The following TFE3 variants were observed in gnomAD, a reference collection of about 807,000 sequenced individuals.
TFE3 encodes transcription factor E3.
A neutral mutation model predicts 35.0 loss-of-function variants in TFE3; 5 were observed. The ratio of observed to expected loss-of-function variants is 0.14; its 90% CI spans 0.07 to 0.30. The LOEUF is 0.30. Among genes scored for constraint, TFE3 ranks in the 10% least tolerant of loss-of-function variants. The pLI, the probability that TFE3 is intolerant of heterozygous loss-of-function variation, is 1.00. For missense variants in TFE3, 374 were observed against 496.6 expected, an observed-to-expected ratio of 0.75 and a Z score of 2.35; for synonymous variants, 211 against 215.6, an observed-to-expected ratio of 0.98 and a Z score of 0.18.
In TFE3 at chrX:49,033,494, C is replaced by T; in HGVS notation, c.1107G>A (p.Leu369=). 1 of 1,211,789 alleles carries T rather than the reference C, an allele frequency of 8.3e-7. No homozygotes were observed. Among genetic ancestry groups the T allele is most frequent in the Non-Finnish European group, 1.1e-6 (1 of 895,530 alleles). ...RFNINDRIKE[L]GTLIPKSSDP... is the part of the protein sequence containing the mutation. ...CACTGGACTTAGGGATGAGAGTGCCCAGTTCCTTGATCCTGTCGTTAATGT... is the reference window on the plus strand; with the variant it reads ...CACTGGACTTAGGGATGAGAGTGCCTAGTTCCTTGATCCTGTCGTTAATGT... Residue 369 remains leucine (L), a synonymous_variant, in exon 8 of 10, where the codon CTG becomes CTA. Transcript: ENST00000315869.
intron 3 of TFE3, 89 bp downstream of exon 3, chrX:49,039,018 T>C (rs1440555752): frequency 2.1e-6 from 2 of 962,451 alleles, no homozygotes; most frequent in Non-Finnish European, 2.8e-6. Flanking sequence ...TGCCCCCAAA[T>C]CACCAGTGCA....
At chrX:49,043,049 G>GC in intron 1 of TFE3, 62 bp downstream of exon 1, 1 of 1,002,349 alleles carries the variant, frequency 1.0e-6, no homozygotes, top group Non-Finnish European at 1.3e-6. Context: ...GGCCCCCACT[G>GC]CCCCCGAGAT....
intron 5 of TFE3, 61 bp downstream of exon 5, chrX:49,037,949 T>G: frequency 2.0e-6 from 2 of 1,004,037 alleles, no homozygotes. Flanking sequence ...AGACTGAGTA[T>G]GGTCTTGGTG....
chrX:49,042,728 C>T (rs1321090678), intron 1 of TFE3, among the ~76,000 whole-genome samples: 6 of 111,412 alleles, frequency 5.4e-5, no homozygotes, highest in African/African-American at 1.6e-4. Flanking sequence ...CAGTGCCTCA[C>T]CTGACAGTGT....
Position 49,038,047 on chromosome X carries a change from A to G in TFE3, c.848T>C (p.Leu283Pro). 8.3e-7 allele frequency: 1 copy of G among 1,206,256 alleles called. No individual in the cohort carries two copies. The highest frequency in any genetic ancestry group is 1.1e-6 in the Non-Finnish European group (1 of 892,508). ...SSYNDEMLSY[L>P]PGGTTGLQLP... is the part of the protein sequence containing the mutation. ...CTGCAGTCCTGTGGTGCCTCCGGGC[A>G]GATAGCTGAGCATTTCATCATTGTA... Residue 283 changes from leucine (L) to proline (P), a missense_variant, in exon 5 of 10, where the codon CTG becomes CCG. By Grantham distance (98) the Leu-to-Pro change is moderately conservative. Coordinates refer to ENST00000315869, the MANE Select transcript of TFE3 (RefSeq NM_006521.6).
chrX:49,032,345 C>T (rs782493540), intron 8 of TFE3, among the ~76,000 whole-genome samples: 7 of 111,313 alleles, frequency 6.3e-5, no homozygotes, highest in African/African-American at 2.3e-4. Flanking sequence ...AGCGATTCTC[C>T]TGCCTCAGCC....
chrX:49,030,517 C>T lies in TFE3; in HGVS notation c.1369G>A (p.Asp457Asn). The T allele has an allele frequency of 3.3e-6, 4 of 1,211,652 alleles. No homozygotes were observed. The highest frequency in any genetic ancestry group is 4.5e-6 in the Non-Finnish European group (4 of 895,468). Residue 457 changes from aspartate to asparagine, a missense_variant, in exon 10 of 10, where the codon GAC (aspartate) becomes AAC (asparagine). Physicochemically the swap from Asp to Asn is conservative, Grantham distance 23. Around this residue, in one of 3 missense-constraint regions of TFE3, gnomAD observed 117 missense variants for 111.9 expected, o/e 1.05. Coordinates refer to ENST00000315869, the MANE Select transcript of TFE3 (RefSeq NM_006521.6). The part of the protein sequence containing the change: ...LLSLATTSAS[D>N]SLKPEQLDIE... ...TCCAGCTGCTCTGGCTTGAGGCTGT[C>T]AGAAGCCGAAGTCGTGGCCAAGGAA...
rs1458206450 is a variant in TFE3 at position 49,043,309 on chromosome X, C to A, written c.-83G>T. ...AACAAAATAAGAGTCCCCCCTCCCC[C>A]CAGCTCGCCACCGCCGCCTCCTCCG... is the stretch of plus-strand genomic sequence containing the variant. On this transcript the variant is annotated 5_prime_UTR_variant, in exon 1 of 10. Transcript: ENST00000315869. 5.1e-6 allele frequency: 4 copies of A among 780,837 alleles called. No homozygotes were observed. In the African/African-American group the frequency reaches 8.7e-5, roughly 17 times the overall value. The allele number at this position is 780,837 out of a possible 1,213,427, so 64.3% of individuals were successfully genotyped here. A position where few individuals can be genotyped will look rare whatever the true frequency, so the allele number is the denominator to read the frequency against.
intron 2 of TFE3, chrX:49,039,716 G>C (rs1037412679): frequency 3.0e-5 from 7 of 233,153 alleles, no homozygotes; most frequent in Admixed American, 7.0e-5. Flanking sequence ...CTCTGCAAGG[G>C]GGGGTTTGTC....
intron 5 of TFE3, among the ~76,000 whole-genome samples, chrX:49,035,322 AAAAT>A (rs781998192): frequency 7.2e-5 from 6 of 83,480 alleles, no homozygotes; most frequent in African/African-American, 1.4e-4. Context: ...ACTCTATCTC[AAAAT>A]AAATAAATAA....
rs782137465 is a variant in TFE3 at position 49,028,882 on chromosome X, G to A, written c.*1276C>T. On this transcript the variant is annotated 3_prime_UTR_variant, in exon 10 of 10. Transcript: ENST00000315869. ...ATGAGGGGTGGGAATGGAGGGGGGA[G>A]TGTCTCTTGATAACTCTGAAATGGG... The A allele has an allele frequency of 4.1e-5, 7 of 172,488 alleles. No homozygotes were observed. The highest frequency in any genetic ancestry group is 6.6e-5 in the Non-Finnish European group (6 of 90,417). 14.2% of individuals were successfully genotyped at this position (172,488 alleles called of 1,213,427 possible). A position where few individuals can be genotyped will look rare whatever the true frequency, so the allele number is the denominator to read the frequency against.
In TFE3 at chrX:49,030,464, T is replaced by C. The variant is rs782329572; in HGVS notation, c.1422A>G (p.Ala474=). Residue 474 remains alanine, a synonymous_variant, in exon 10 of 10, where the codon GCA becomes GCG. Coordinates refer to ENST00000315869, the MANE Select transcript of TFE3 (RefSeq NM_006521.6). ...LDIEEEGRPG[A]ATFHVGGGPA... ...GTCCCCCCCCTACATGGAACGTTGCTGCGCCTGGCCTGCCCTCCTCCTCAA... is the reference window on the plus strand; with the variant it reads ...GTCCCCCCCCTACATGGAACGTTGCCGCGCCTGGCCTGCCCTCCTCCTCAA... 8.3e-7 allele frequency: 1 copy of C among 1,211,562 alleles called. No individual in the cohort carries two copies. The highest frequency in any genetic ancestry group is 1.8e-5 in the South Asian group (1 of 56,984).
rs781884534 is a variant in TFE3, at chrX:49,042,230, G to A, written c.116+881C>T. On this transcript the variant is annotated intron_variant, in intron 1 of 9. Coordinates refer to ENST00000315869, the MANE Select transcript of TFE3 (RefSeq NM_006521.6). ...GATTACCCCCAGGAGCTCGGAGATC[G>A]AAAAGAAGATAAAAAGAAAAGGGGT... 5.4e-5 allele frequency among the ~76,000 whole-genome samples: 6 copies of A among 111,588 alleles called. No individual in the cohort carries two copies. The Admixed American group carries it at 5.7e-4, about 11-fold the overall frequency.
intron 1 of TFE3, 71 bp from the exon 2 acceptor site, chrX:49,040,639 GAGAA>G: frequency 8.2e-6 from 6 of 730,860 alleles, no homozygotes; most frequent in Non-Finnish European, 1.3e-5. Context: ...CCCTGAGACA[GAGAA>G]AGAGAGAGAG....
chrX:49,036,466 CA>C (rs56835437), intron 5 of TFE3, among the ~76,000 whole-genome samples: 7 of 57,843 alleles, frequency 1.2e-4, no homozygotes, highest in African/African-American at 4.1e-4. Context: ...AACTCCATCT[CA>C]AAAAAAAAAA....
chrX:49,033,482 G>A lies in TFE3; in HGVS notation c.1119C>T (p.Ile373=). 8.3e-6 allele frequency: 10 copies of A among 1,211,557 alleles called. No homozygotes were observed. The highest frequency in any genetic ancestry group is 1.0e-5 in the Non-Finnish European group (9 of 895,378). The change falls in exon 8 of 10, where the codon ATC becomes ATT. Residue 373 remains isoleucine, a synonymous_variant. Transcript: ENST00000315869. ...NDRIKELGTL[I]PKSSDPEMRW... is the part of the protein sequence containing the mutation. ...AGACTCACGGGTCACTGGACTTAGG[G>A]ATGAGAGTGCCCAGTTCCTTGATCC...
chrX:49,036,002 T>A (rs187163790), intron 5 of TFE3, among the ~76,000 whole-genome samples: 55 of 108,195 alleles, frequency 5.1e-4, no homozygotes, highest in African/African-American at 1.8e-3. Flanking sequence ...AGACCCTGTC[T>A]CTACTAAAAA....
In TFE3 at chrX:49,043,299, C is replaced by A. The variant is rs978957516; in HGVS notation, c.-73G>T. 1.6e-5 allele frequency: 13 copies of A among 802,433 alleles called. No homozygotes were observed. The African/African-American group carries it at 2.8e-4, about 17-fold the overall frequency. The allele number at this position is 802,433 out of a possible 1,213,427, so 66.1% of individuals were successfully genotyped here. A position where few individuals can be genotyped will look rare whatever the true frequency, so the allele number is the denominator to read the frequency against. On this transcript the variant is annotated 5_prime_UTR_variant, in exon 1 of 10. Coordinates refer to ENST00000315869, the MANE Select transcript of TFE3 (RefSeq NM_006521.6). ...CGGTCCCCCTAACAAAATAAGAGTC[C>A]CCCCTCCCCCCAGCTCGCCACCGCC...
Position 49,039,197 on chromosome X carries a change from G to C in TFE3, c.444C>G (p.Ala148=). The change falls in exon 3 of 10, where the codon GCC becomes GCG. Residue 148 remains alanine, a synonymous_variant. Coordinates refer to ENST00000315869, the MANE Select transcript of TFE3 (RefSeq NM_006521.6). ...CGCCAACCACAGAGATGGCAGGAGA[G>C]GCAGGTGCAGGACTGGGGAAGGGAG... ...AAAPFPSPAP[A]SPAISVVGVS... 1 of 1,205,992 alleles carries C rather than the reference G, an allele frequency of 8.3e-7. No individual in the cohort carries two copies. Among genetic ancestry groups the C allele is most frequent in the Non-Finnish European group, 1.1e-6 (1 of 892,373 alleles).
Sources: gnomAD v4.1 joint callset for allele counts (sites outside exome capture counted in the v4.1 genomes callset) on GRCh38, gnomAD v4.1.1 for gene constraint, gnomAD v4.1.1 regional missense constraint, MANE v1.5 for transcripts, NCBI Gene and HGNC (gene_info 2026-07-23, HGNC 2026-07-21) for gene names.